The following SHISA9 variants were observed in gnomAD, a reference collection of about 807,000 sequenced individuals.
The protein encoded by SHISA9 is protein shisa-9.
Under a neutral mutation model 38.0 loss-of-function variants are expected in SHISA9, and 13 were observed. The observed-to-expected ratio is 0.34, with a 90% confidence interval of 0.22 to 0.54. The LOEUF (loss-of-function observed/expected upper bound fraction) is 0.54. SHISA9 is among the 20% of genes least tolerant of loss of function. SHISA9 has a pLI of 0.91. For synonymous variants in SHISA9, 275 were observed against 242.0 expected, an observed-to-expected ratio of 1.14 and a Z score of -1.27; for missense variants, 538 against 575.8, an observed-to-expected ratio of 0.93 and a Z score of 0.67.
intron 2 of SHISA9, among the ~76,000 whole-genome samples, chr16:13,168,177 C>T (rs746331943): frequency 6.6e-6 from 1 of 152,206 alleles, no homozygotes; most frequent in Non-Finnish European, 1.5e-5. Context: ...CCCCCAACCA[C>T]CTCCGTTATG....
intron 2 of SHISA9, among the ~76,000 whole-genome samples, chr16:13,015,879 TTTCTTTCTTTC>T (rs1370360743): frequency 7.0e-5 from 8 of 114,290 alleles, no homozygotes; most frequent in African/African-American, 2.4e-4. Flanking sequence ...TCTTTCTTTC[TTTCTTTCTTTC>T]TTTCTTTCTT....
chr16:12,908,548 G>T, intron 1 of SHISA9: 10 of 1,551,932 alleles, frequency 6.4e-6, no homozygotes, highest in Non-Finnish European at 8.7e-6. Context: ...CCCCTGGAGA[G>T]TGGAGTGTCG....
At chr16:13,460,723 T>C in the SHISA9 span, among the ~76,000 whole-genome samples, 2 of 152,150 alleles carry the variant, frequency 1.3e-5, no homozygotes, top group African/African-American at 4.8e-5. Flanking sequence ...CAGCCCAAGG[T>C]TAGTGAGATT....
chr16:13,142,818 G>A (rs1567225941), intron 2 of SHISA9, among the ~76,000 whole-genome samples: 1 of 152,008 alleles, frequency 6.6e-6, no homozygotes, highest in Non-Finnish European at 1.5e-5. Flanking sequence ...ACTGGCTAGG[G>A]ATTTATTTTT....
chr16:13,024,751 C>T (rs2072899797), intron 2 of SHISA9, among the ~76,000 whole-genome samples: 1 of 152,158 alleles, frequency 6.6e-6, no homozygotes, highest in Admixed American at 6.5e-5. Context: ...ACAGAGCTTC[C>T]ACATACGGCA....
chr16:13,261,087 G>C, the SHISA9 span, among the ~76,000 whole-genome samples: 2 of 152,098 alleles, frequency 1.3e-5, no homozygotes, highest in Non-Finnish European at 1.5e-5. Context: ...CTCTGCCTGG[G>C]TCCCTCCCAC....
chr16:13,527,115 C>G, the SHISA9 span, among the ~76,000 whole-genome samples: 9 of 152,158 alleles, frequency 5.9e-5, no homozygotes, highest in African/African-American at 2.2e-4. Context: ...ATACTATAAC[C>G]TGCCCCAGGT....
chr16:13,245,884 C>G, the SHISA9 span, among the ~76,000 whole-genome samples: 6 of 152,138 alleles, frequency 3.9e-5, no homozygotes, highest in Admixed American at 1.3e-4. Context: ...TCAGGAAGCT[C>G]TTGTCTGGCG....
At chr16:13,224,203 T>C (rs991679366) in intron 4 of SHISA9, among the ~76,000 whole-genome samples, 3 of 152,202 alleles carry the variant, frequency 2.0e-5, no homozygotes, top group Admixed American at 6.5e-5. Flanking sequence ...GAAGTCCCTG[T>C]CTCTACTCAG....
chr16:13,371,429 T>C, the SHISA9 span, among the ~76,000 whole-genome samples: 1 of 152,188 alleles, frequency 6.6e-6, no homozygotes, highest in East Asian at 1.9e-4. Context: ...TCATGATTCT[T>C]GATCCTGGCT....
chr16:13,115,581 G>T (rs1032701396), intron 2 of SHISA9, among the ~76,000 whole-genome samples: 2 of 152,210 alleles, frequency 1.3e-5, no homozygotes, highest in Non-Finnish European at 2.9e-5. Flanking sequence ...CAGCTTGGGC[G>T]TTAGGGCAAT....
the SHISA9 span, among the ~76,000 whole-genome samples, chr16:13,295,748 G>A: frequency 1.3e-5 from 2 of 152,196 alleles, no homozygotes; most frequent in Admixed American, 6.5e-5. Context: ...AAGGAGGCAA[G>A]AGGATGTGAA....
intron 2 of SHISA9, among the ~76,000 whole-genome samples, chr16:13,090,265 G>A (rs2073759698): frequency 6.6e-6 from 1 of 152,166 alleles, no homozygotes; most frequent in Non-Finnish European, 1.5e-5. Context: ...ATGCTGAGAA[G>A]AAGGTATATT....
the SHISA9 span, among the ~76,000 whole-genome samples, chr16:13,268,250 C>T: frequency 6.6e-6 from 1 of 152,174 alleles, no homozygotes; most frequent in African/African-American, 2.4e-5. Context: ...TAGCTCTTGC[C>T]TGTAATCCCA....
intron 2 of SHISA9, among the ~76,000 whole-genome samples, chr16:13,019,960 CCTCCTTCTTTCCT>C (rs2072828815): frequency 5.3e-5 from 4 of 75,880 alleles, no homozygotes; most frequent in Admixed American, 1.6e-4. Flanking sequence ...TCTTTCTTTC[CCTCCTTCTTTCCT>C]TCCTTCCTTC....
At chr16:12,905,528 C>G (rs901380108) in intron 1 of SHISA9, among the ~76,000 whole-genome samples, 1 of 151,566 alleles carries the variant, frequency 6.6e-6, no homozygotes, top group East Asian at 1.9e-4. Flanking sequence ...TTTCACAGGG[C>G]TGATGGAGGG....
chr16:13,369,603 C>G, the SHISA9 span, among the ~76,000 whole-genome samples: 2 of 151,724 alleles, frequency 1.3e-5, no homozygotes, highest in Admixed American at 6.6e-5. Flanking sequence ...CAAGACTAAA[C>G]TGCTGCCGCT....
the SHISA9 span, among the ~76,000 whole-genome samples, chr16:13,372,036 C>T: frequency 6.6e-6 from 1 of 152,220 alleles, no homozygotes; most frequent in Non-Finnish European, 1.5e-5. Flanking sequence ...CTCTTCCAGG[C>T]ATTTAGAACT....
At chr16:13,446,005 C>T in the SHISA9 span, among the ~76,000 whole-genome samples, 1 of 152,020 alleles carries the variant, frequency 6.6e-6, no homozygotes, top group African/African-American at 2.4e-5. Flanking sequence ...TACAGTGCTG[C>T]GATCTCAGCT....
Sources: allele counts gnomAD v4.1 joint callset (sites outside exome capture counted in the v4.1 genomes callset), GRCh38; gene constraint gnomAD v4.1.1; transcripts MANE v1.5; gene names NCBI Gene and HGNC (gene_info 2026-07-23, HGNC 2026-07-21).